Variants in SDK1 observed in about 807,000 individuals in gnomAD.
SDK1 encodes the protein sidekick cell adhesion molecule 1.
In SDK1, 157 loss-of-function variants were observed where a neutral mutation model predicts 245.5. The ratio of observed to expected loss-of-function variants is 0.64; its 90% CI spans 0.56 to 0.73. The LOEUF (loss-of-function observed/expected upper bound fraction) is 0.73, where lower values mean the gene tolerates loss of function less well. Ranked by LOEUF, SDK1 falls within the 30% of genes least tolerant of loss-of-function variation. SDK1 has a pLI of 0.00. For synonymous variants in SDK1, 1,647 were observed against 1,278.5 expected, an observed-to-expected ratio of 1.29 and a Z score of -6.15; for missense variants, 3,583 against 3,002.3, an observed-to-expected ratio of 1.19 and a Z score of -4.52.
intron 1 of SDK1, among the ~76,000 whole-genome samples, chr7:3,607,203 C>T (rs986887496): frequency 6.6e-6 from 1 of 151,698 alleles, no homozygotes; most frequent in African/African-American, 2.4e-5. Context: ...TGCTGCTGAT[C>T]ATTTCCTTTT....
chr7:3,403,198 T>C (rs1008664823), intron 1 of SDK1, among the ~76,000 whole-genome samples: 2 of 152,132 alleles, frequency 1.3e-5, no homozygotes, highest in African/African-American at 4.8e-5. Context: ...CCTCCCAAAG[T>C]GTTGGGATTA....
intron 1 of SDK1, among the ~76,000 whole-genome samples, chr7:3,509,085 C>CGTGTGT (rs142827941): frequency 2.7e-5 from 4 of 149,402 alleles, no homozygotes; most frequent in African/African-American, 9.9e-5. Flanking sequence ...TGTGTGTGTG[C>CGTGTGT]GTGTGTGTGT....
At chr7:3,793,891 C>T (rs1778892644) in intron 4 of SDK1, among the ~76,000 whole-genome samples, 2 of 152,078 alleles carry the variant, frequency 1.3e-5, no homozygotes, top group African/African-American at 4.8e-5. Context: ...TGATGAGGAC[C>T]TCATTGGTGT....
chr7:3,392,707 A>G (rs1781788618), intron 1 of SDK1, among the ~76,000 whole-genome samples: 2 of 152,098 alleles, frequency 1.3e-5, no homozygotes, highest in Admixed American at 6.6e-5. Flanking sequence ...CATACAACAC[A>G]TATCTTTTTT....
chr7:3,941,072 C>G (rs543271132), intron 5 of SDK1, among the ~76,000 whole-genome samples: 33 of 152,060 alleles, frequency 2.2e-4, no homozygotes, highest in African/African-American at 7.5e-4. Flanking sequence ...CCCCGTCTGT[C>G]TCCTGAGCTT....
At chr7:4,028,754 G>A (rs768797092) in intron 17 of SDK1, among the ~76,000 whole-genome samples, 3 of 152,186 alleles carry the variant, frequency 2.0e-5, no homozygotes, top group Non-Finnish European at 4.4e-5. Context: ...TCGGCTCCCT[G>A]TCAAGATGAA....
rs1784194977 is a variant in SDK1 at position 4,205,934 on chromosome 7, G to C, written c.5154G>C (p.Leu1718=). 4 of 1,564,182 alleles carry C rather than the reference G, an allele frequency of 2.6e-6. No homozygotes were observed. In the South Asian group the frequency reaches 4.7e-5, roughly 18 times the overall value. The change falls in exon 36 of 45, where the codon CTG becomes CTC. Residue 1718 remains leucine, a synonymous_variant. Coordinates refer to ENST00000404826, the MANE Select transcript of SDK1 (RefSeq NM_152744.4). ...TGACCCCACTCACGGCCAGCCAGCT[G>C]GAGGTCACGTGGGACCCACCACCCC... ...VQVTPLTASQ[L]EVTWDPPPPE... is the part of the protein sequence containing the mutation.
At chr7:3,788,962 C>CT (rs1276044225) in intron 4 of SDK1, among the ~76,000 whole-genome samples, 3 of 152,222 alleles carry the variant, frequency 2.0e-5, no homozygotes, top group African/African-American at 7.2e-5. Flanking sequence ...GGGGGCTCCC[C>CT]TCTGTTCCCT....
chr7:3,789,233 C>T (rs1229599831), intron 4 of SDK1, among the ~76,000 whole-genome samples: 7 of 152,120 alleles, frequency 4.6e-5, no homozygotes, highest in African/African-American at 1.4e-4. Flanking sequence ...CCGCAACCTC[C>T]ACCTCCCAGG....
At position 3,838,969 on chromosome 7, in the gene SDK1, C is replaced by CG. The variant is rs1449097188; in HGVS notation, c.847+17386_847+17387insG. On this transcript the variant is annotated intron_variant, in intron 5 of 44. Transcript: ENST00000404826. ...CTGAAGGCATTCGTTTGGGCAGAGG[C>CG]ACGTCCTGTCTGCTCCCTACAAATA... 5.9e-5 allele frequency among the ~76,000 whole-genome samples: 9 copies of CG among 152,314 alleles called. No homozygotes were observed. The East Asian group carries it at 1.7e-3, about 29-fold the overall frequency.
chr7:3,620,465 G>C (rs769407715), intron 2 of SDK1, among the ~76,000 whole-genome samples: 2 of 151,950 alleles, frequency 1.3e-5, no homozygotes, highest in Non-Finnish European at 2.9e-5. Context: ...ACCACACCTG[G>C]CTAATTTTTG....
intron 5 of SDK1, among the ~76,000 whole-genome samples, chr7:3,856,557 G>A (rs746050388): frequency 1.3e-5 from 2 of 150,580 alleles, no homozygotes; most frequent in Non-Finnish European, 2.9e-5. Flanking sequence ...TTGGGAGGCC[G>A]AGGCAGGTGG....
intron 38 of SDK1, among the ~76,000 whole-genome samples, chr7:4,212,232 G>C (rs534544747): frequency 5.3e-5 from 8 of 152,304 alleles, no homozygotes; most frequent in Non-Finnish European, 1.0e-4. Context: ...GAGTTGATTT[G>C]ATGAAGAAAA....
chr7:3,895,014 G>A (rs1001844708), intron 5 of SDK1, among the ~76,000 whole-genome samples: 9 of 152,006 alleles, frequency 5.9e-5, no homozygotes, highest in Non-Finnish European at 7.4e-5. Context: ...GATTACCAGC[G>A]TGTCTCTAAT....
rs771800305 is a variant in SDK1, at chr7:4,245,659, A to G, written c.6252-17A>G. 7 of 1,612,822 alleles carry G rather than the reference A, an allele frequency of 4.3e-6. No individual in the cohort carries two copies. The highest frequency in any genetic ancestry group is 5.1e-6 in the Non-Finnish European group (6 of 1,179,170). On this transcript the variant is annotated splice_polypyrimidine_tract_variant and intron_variant, in intron 43 of 44. Transcript: ENST00000404826. Reference sequence around the variant, plus strand: ...CTTTTGCCCAGAGGGTAATTGCAGCATGGGTCCTCATCCTAGGTCCCCACC... The same window carrying G: ...CTTTTGCCCAGAGGGTAATTGCAGCGTGGGTCCTCATCCTAGGTCCCCACC...
chr7:3,627,088 C>A (rs951471213), intron 2 of SDK1, among the ~76,000 whole-genome samples: 2 of 152,036 alleles, frequency 1.3e-5, no homozygotes, highest in Non-Finnish European at 2.9e-5. Context: ...CCACCATGCC[C>A]AGCTAATTCT....
At chr7:3,633,961 C>T (rs1782379152) in intron 2 of SDK1, among the ~76,000 whole-genome samples, 2 of 152,086 alleles carry the variant, frequency 1.3e-5, no homozygotes, top group Non-Finnish European at 2.9e-5. Flanking sequence ...CCCCTACTCC[C>T]CTGGACTAGG....
chr7:3,795,755 C>A (rs1165686299), intron 4 of SDK1, among the ~76,000 whole-genome samples: 1 of 152,132 alleles, frequency 6.6e-6, no homozygotes, highest in African/African-American at 2.4e-5. Context: ...TGGTGTTCTT[C>A]CCATATTATA....
intron 5 of SDK1, among the ~76,000 whole-genome samples, chr7:3,886,651 A>G (rs1270642811): frequency 6.6e-6 from 1 of 152,230 alleles, no homozygotes; most frequent in African/African-American, 2.4e-5. Context: ...CATGGTGGTA[A>G]CACCTGTAGT....
Sources: allele counts gnomAD v4.1 joint callset (sites outside exome capture counted in the v4.1 genomes callset), GRCh38; gene constraint gnomAD v4.1.1; transcripts MANE v1.5; gene names NCBI Gene and HGNC (gene_info 2026-07-23, HGNC 2026-07-21).